Variants in SMAD1 observed in about 807,000 individuals in gnomAD.
SMAD1 encodes MAD, mothers against decapentaplegic homolog 1.
In SMAD1, 6 loss-of-function variants were observed where a neutral mutation model predicts 41.6. The ratio of observed to expected loss-of-function variants is 0.14; its 90% CI spans 0.08 to 0.28. SMAD1 has a LOEUF of 0.28. SMAD1 is among the 10% of genes least tolerant of loss of function. The pLI, the probability that SMAD1 is intolerant of heterozygous loss-of-function variation, is 1.00. For missense variants in SMAD1, 379 were observed against 582.6 expected, an observed-to-expected ratio of 0.65 and a Z score of 3.60; for synonymous variants, 206 against 203.2, an observed-to-expected ratio of 1.01 and a Z score of -0.12.
chr4:145,539,302 T>C (rs772838936), intron 2 of SMAD1, among the ~76,000 whole-genome samples: 2 of 152,242 alleles, frequency 1.3e-5, no homozygotes, highest in Non-Finnish European at 2.9e-5. Context: ...ATTTTACCTC[T>C]TCAGCTTTAT....
intron 1 of SMAD1, chr4:145,503,811 A>G (rs1729605695): frequency 6.6e-6 from 1 of 152,120 alleles, no homozygotes; most frequent in Non-Finnish European, 1.5e-5. Flanking sequence ...AAAGGTGTGC[A>G]CGTTAGGTGA....
chr4:145,537,953 A>G (rs1051160503), intron 2 of SMAD1, among the ~76,000 whole-genome samples: 1 of 151,906 alleles, frequency 6.6e-6, no homozygotes, highest in African/African-American at 2.4e-5. Flanking sequence ...ACCTTAATGG[A>G]CTCTGTGCGT....
chr4:145,523,859 T>C (rs1196550405), intron 2 of SMAD1, among the ~76,000 whole-genome samples: 2 of 152,128 alleles, frequency 1.3e-5, no homozygotes, highest in Non-Finnish European at 2.9e-5. Flanking sequence ...CTCTCAGGGC[T>C]TCATTCTTCA....
rs1208278905 is a variant in SMAD1 at position 145,514,291 on chromosome 4, G to A, written c.-176-147G>A. ...AGTCATACTGAGAGTTAGGGCTTCC[G>A]CATATGAATTTTAGGGGTCACAATT... On this transcript the variant is annotated intron_variant, in intron 1 of 6. Coordinates refer to ENST00000302085, the MANE Select transcript of SMAD1 (RefSeq NM_005900.3). This position sits in a 1 kb window ranked among gnomAD's most constrained non-coding sequence, Gnocchi z 4.7. 4 of 196,504 alleles carry A rather than the reference G, an allele frequency of 2.0e-5. No individual in the cohort carries two copies. The highest frequency in any genetic ancestry group is 1.7e-4 in the South Asian group (1 of 5,792). The allele number at this position is 196,504 out of a possible 1,614,324, so 12.2% of individuals were successfully genotyped here.
At chr4:145,487,907 C>T (rs1047447355) in intron 1 of SMAD1, among the ~76,000 whole-genome samples, 1 of 152,304 alleles carries the variant, frequency 6.6e-6, no homozygotes, top group East Asian at 1.9e-4. Flanking sequence ...AGCAGTTTCA[C>T]TCCAGTGACT....
chr4:145,554,017 A>T lies in SMAD1; in HGVS notation c.1231A>T (p.Thr411Ser). 6.2e-7 allele frequency: 1 copy of T among 1,613,498 alleles called. No homozygotes were observed. Among genetic ancestry groups the T allele is most frequent in the Non-Finnish European group, 8.5e-7 (1 of 1,179,932 alleles). Residue 411 changes from threonine to serine, a missense_variant, in exon 6 of 7, where the codon ACT (threonine) becomes TCT (serine). By Grantham distance (58) the Thr-to-Ser change is moderately conservative (BLOSUM62 1). Coordinates refer to ENST00000302085, the MANE Select transcript of SMAD1 (RefSeq NM_005900.3). ...AGTCTATGAGCTTACAAAAATGTGT[A>T]CTATACGTATGAGCTTTGTGAAGGT... The part of the protein sequence containing the change: ...ETVYELTKMC[T>S]IRMSFVKGWG...
intron 1 of SMAD1, among the ~76,000 whole-genome samples, chr4:145,491,026 G>T (rs977279732): frequency 6.6e-6 from 1 of 152,092 alleles, no homozygotes; most frequent in Non-Finnish European, 1.5e-5. Context: ...TGGGGGGAGG[G>T]TTATTAATAG....
chr4:145,481,136 CTG>C (rs1728155483), upstream of SMAD1: 1 of 152,192 alleles, frequency 6.6e-6, no homozygotes, highest in East Asian at 1.9e-4. Flanking sequence ...ATCTAAAAGA[CTG>C]TAGAAATTGG....
chr4:145,490,464 A>G (rs59268619), intron 1 of SMAD1, among the ~76,000 whole-genome samples: 1 of 152,148 alleles, frequency 6.6e-6, no homozygotes, highest in African/African-American at 2.4e-5. Flanking sequence ...ATTCTAAACA[A>G]TTGGGGGGAA....
intron 1 of SMAD1, among the ~76,000 whole-genome samples, chr4:145,490,679 A>G (rs1388850615): frequency 1.3e-5 from 2 of 152,354 alleles, no homozygotes; most frequent in South Asian, 2.1e-4. Context: ...ATTGAGAAGC[A>G]GTAAGCAATG....
Position 145,536,149 on chromosome 4 carries a change from G to A in SMAD1, c.401-3655G>A, listed in dbSNP as rs530576297. 1.2e-3 allele frequency among the ~76,000 whole-genome samples: 177 copies of A among 152,218 alleles called. 2 individuals carry two copies. The highest frequency in any genetic ancestry group is 7.1e-3 in the South Asian group (34 of 4,818). ...CTGTTGAAATAAGGAGATACAGATA[G>A]GAAATAGAGAAAGGCAAATGAAAAC... is the stretch of plus-strand genomic sequence containing the variant. On this transcript the variant is annotated intron_variant, in intron 2 of 6. Coordinates refer to ENST00000302085, the MANE Select transcript of SMAD1 (RefSeq NM_005900.3).
At chr4:145,487,667 G>A (rs888334676) in intron 1 of SMAD1, among the ~76,000 whole-genome samples, 1 of 152,108 alleles carries the variant, frequency 6.6e-6, no homozygotes, top group South Asian at 2.1e-4. Context: ...GAAGAAAAAG[G>A]CAGAGCCAAA....
In SMAD1 at chr4:145,486,639, C is replaced by T. The variant is rs557952705; in HGVS notation, c.-177+4601C>T. ...TAACTATCCAAATCTCATGGTCTTTCGGGTGAAATATGTCCATGGGACTGC... is the reference window on the plus strand; with the variant it reads ...TAACTATCCAAATCTCATGGTCTTTTGGGTGAAATATGTCCATGGGACTGC... On this transcript the variant is annotated intron_variant, in intron 1 of 6. Coordinates refer to ENST00000302085, the MANE Select transcript of SMAD1 (RefSeq NM_005900.3). Among the ~76,000 whole-genome samples, 20 of 152,220 alleles carry T rather than the reference C, an allele frequency of 1.3e-4. No individual in the cohort carries two copies. In the South Asian group the frequency reaches 2.9e-3, roughly 22 times the overall value.
At chr4:145,543,140 T>G (rs1016695201) in intron 4 of SMAD1, among the ~76,000 whole-genome samples, 3 of 152,184 alleles carry the variant, frequency 2.0e-5, no homozygotes, top group African/African-American at 4.8e-5. Context: ...CTAATTTTTG[T>G]ATTTTTAGTA....
intron 5 of SMAD1, among the ~76,000 whole-genome samples, chr4:145,547,798 A>G (rs1045843472): frequency 6.6e-6 from 1 of 152,210 alleles, no homozygotes; most frequent in African/African-American, 2.4e-5. Flanking sequence ...TTAGTAATAC[A>G]TATGTGTATG....
intron 1 of SMAD1, chr4:145,513,119 T>C (rs1730181263): frequency 6.6e-6 from 1 of 152,266 alleles, no homozygotes; most frequent in Admixed American, 6.5e-5. Context: ...TTTAGCCTCT[T>C]AGTTACCTCT....
chr4:145,504,988 A>T (rs574984816), intron 1 of SMAD1, among the ~76,000 whole-genome samples: 2 of 152,204 alleles, frequency 1.3e-5, no homozygotes, highest in African/African-American at 4.8e-5. Context: ...TTTTAACCCT[A>T]CGTCTTTAGT....
Position 145,558,131 on chromosome 4 carries a change from A to G in SMAD1, c.*197A>G, listed in dbSNP as rs1333766486. The G allele has an allele frequency of 2.2e-5, 9 of 403,072 alleles. No homozygotes were observed. The highest frequency in any genetic ancestry group is 3.5e-5 in the Non-Finnish European group (8 of 227,636). The allele number at this position is 403,072 out of a possible 1,614,324, so 25.0% of individuals were successfully genotyped here. On this transcript the variant is annotated 3_prime_UTR_variant, in exon 7 of 7. Transcript: ENST00000302085. ...TGGTAACATACTGTTGATATCAAGAACCTGTTTAGTTTACATTGTAACATT... is the reference window on the plus strand; with the variant it reads ...TGGTAACATACTGTTGATATCAAGAGCCTGTTTAGTTTACATTGTAACATT...
At chr4:145,517,058 G>A (rs1448675116) in intron 2 of SMAD1, 1 of 152,148 alleles carries the variant, frequency 6.6e-6, no homozygotes, top group Non-Finnish European at 1.5e-5. Flanking sequence ...CTCCTGACTG[G>A]TCACCCCCTT....
Sources: gnomAD v4.1 joint callset for allele counts (sites outside exome capture counted in the v4.1 genomes callset) on GRCh38, gnomAD v4.1.1 for gene constraint, Gnocchi (gnomAD v3.1) non-coding constraint, MANE v1.5 for transcripts, NCBI Gene and HGNC (gene_info 2026-07-23, HGNC 2026-07-21) for gene names.